Variants in ADAMTS10 observed in about 807,000 individuals in gnomAD.
The protein encoded by ADAMTS10 is ADAM metallopeptidase with thrombospondin type 1 motif 10, also known as A disintegrin and metalloproteinase with thrombospondin motifs 10.
ADAMTS10 carries 48 observed loss-of-function variants against 135.9 expected under a neutral mutation model. The observed-to-expected ratio is 0.35, with a 90% confidence interval of 0.28 to 0.45. The LOEUF is 0.45. Ranked by LOEUF, ADAMTS10 falls within the 20% of genes least tolerant of loss-of-function variation. ADAMTS10 has a pLI of 1.00. For missense variants in ADAMTS10, 1,131 were observed against 1,565.2 expected, an observed-to-expected ratio of 0.72 and a Z score of 4.68; for synonymous variants, 621 against 647.5, an observed-to-expected ratio of 0.96 and a Z score of 0.62.
rs782194371 is a variant in ADAMTS10 at position 8,597,055 on chromosome 19, G to T, written c.972C>A (p.His324Gln). 2 of 1,614,220 alleles carry T rather than the reference G, an allele frequency of 1.2e-6. No homozygotes were observed. The highest frequency in any genetic ancestry group is 4.5e-5 in the East Asian group (2 of 44,876). ...CTGGAATGGCATTGCCATGGCCGCT[G>T]TGGTTCACGATGGATTTCTGCCACT... ...FCKWQKSIVN[H>Q]SGHGNAIPEN... is the part of the protein sequence containing the mutation. The change falls in exon 8 of 26, where the codon CAC (histidine) becomes CAA (glutamine). Residue 324 changes from histidine to glutamine, a missense_variant. By Grantham distance (24) the His-to-Gln change is conservative. Around this residue, in one of 3 missense-constraint regions of ADAMTS10, gnomAD observed 80 missense variants for 164.4 expected, o/e 0.49. Transcript: ENST00000597188.
chr19:8,595,589 T>G lies in ADAMTS10; in HGVS notation c.1479+173A>C. Reference sequence around the variant, plus strand: ...GCACTGTCTGATTGCTTAGGACATTTTGCACACTCCATGCACCTCTGTCCT... The same window carrying G: ...GCACTGTCTGATTGCTTAGGACATTGTGCACACTCCATGCACCTCTGTCCT... On this transcript the variant is annotated intron_variant, in intron 12 of 25. Coordinates refer to ENST00000597188, the MANE Select transcript of ADAMTS10 (RefSeq NM_030957.4). 3 of 995,044 alleles carry G rather than the reference T, an allele frequency of 3.0e-6. No individual in the cohort carries two copies. The South Asian group carries it at 4.3e-5, about 14-fold the overall frequency. The allele number at this position is 995,044 out of a possible 1,614,324, so 61.6% of individuals were successfully genotyped here. A position where few individuals can be genotyped will look rare whatever the true frequency, so the allele number is the denominator to read the frequency against.
chr19:8,585,597 C>T lies in ADAMTS10; in HGVS notation c.2724G>A (p.Ser908=), dbSNP rs373459011. The change falls in exon 23 of 26, where the codon TCG becomes TCA. Residue 908 remains serine, a synonymous_variant. Coordinates refer to ENST00000597188, the MANE Select transcript of ADAMTS10 (RefSeq NM_030957.4). ...CAGAGACGCGGCGCTGGCACACGAC[C>T]GAGCGGCTGCGCACGCCTGCATCGC... The part of the protein sequence containing the change: ...RSCDAGVRSR[S]VVCQRRVSAA... 6.2e-7 allele frequency: 1 copy of T among 1,610,418 alleles called. No homozygotes were observed. Among genetic ancestry groups the T allele is most frequent in the Middle Eastern group, 1.7e-4 (1 of 6,022 alleles).
rs2042427616 is a variant in ADAMTS10, at chr19:8,586,263, G to T, written c.2531-12C>A. The T allele has an allele frequency of 6.2e-7, 1 of 1,613,104 alleles. No homozygotes were observed. Among genetic ancestry groups the T allele is most frequent in the Non-Finnish European group, 8.5e-7 (1 of 1,179,836 alleles). On this transcript the variant is annotated splice_polypyrimidine_tract_variant and intron_variant, in intron 21 of 25. Transcript: ENST00000597188. Reference sequence around the variant, plus strand: ...CTGCACCTGGCTACCTGGAGGGGAGGGTGAGAGGCCTGCTCAGCCCCTCCC... The same window carrying T: ...CTGCACCTGGCTACCTGGAGGGGAGTGTGAGAGGCCTGCTCAGCCCCTCCC...
intron 25 of ADAMTS10, among the ~76,000 whole-genome samples, chr19:8,584,206 A>G (rs1327008693): frequency 1.3e-5 from 2 of 151,446 alleles, no homozygotes; most frequent in African/African-American, 4.8e-5. Flanking sequence ...AAAATTACCT[A>G]GGCAGAAAAA....
chr19:8,603,683 A>G (rs782298626), intron 5 of ADAMTS10, 45 bp downstream of exon 5: 2 of 1,612,612 alleles, frequency 1.2e-6, no homozygotes, highest in South Asian at 1.1e-5. Context: ...CTCAAGGGAA[A>G]GATACTGTGT....
In ADAMTS10 at chr19:8,585,659, A is replaced by G. The variant is rs1555736883; in HGVS notation, c.2662T>C (p.Trp888Arg). 6.2e-7 allele frequency: 1 copy of G among 1,612,246 alleles called. No homozygotes were observed. The highest frequency in any genetic ancestry group is 1.1e-5 in the South Asian group (1 of 91,012). ...ACNTEPCPPD[W>R]VVGNWSLCSR... ...CAGAGCGACCAGTTCCCTACAACCC[A>G]GCTGTAAGAGATGAAGGGGTCTGAG... Residue 888 changes from tryptophan to arginine, a missense_variant and splice_region_variant, in exon 23 of 26, where the codon TGG (tryptophan) becomes CGG (arginine). Around this residue, in one of 3 missense-constraint regions of ADAMTS10, gnomAD observed 745 missense variants for 1,056.3 expected, o/e 0.71. Coordinates refer to ENST00000597188, the MANE Select transcript of ADAMTS10 (RefSeq NM_030957.4).
At position 8,603,759 on chromosome 19, in the gene ADAMTS10, G is replaced by T; in HGVS notation, c.561C>A (p.His187Gln). The change falls in exon 5 of 26, where the codon CAC (histidine) becomes CAA (glutamine). Residue 187 changes from histidine (H) to glutamine (Q), a missense_variant. His to Gln is a conservative substitution (Grantham distance 24). Transcript: ENST00000597188. Reference sequence around the variant, plus strand: ...CTCCACAGGCTGTGTCCAGGTGGGGGTGACGCAGAGAGGAACGCTTGTACA... The same window carrying T: ...CTCCACAGGCTGTGTCCAGGTGGGGTTGACGCAGAGAGGAACGCTTGTACA... ...HVVYKRSSLR[H>Q]PHLDTACGVR... 2 of 1,614,186 alleles carry T rather than the reference G, an allele frequency of 1.2e-6. No individual in the cohort carries two copies. Among genetic ancestry groups the T allele is most frequent in the Non-Finnish European group, 1.7e-6 (2 of 1,180,032 alleles).
At position 8,585,546 on chromosome 19, in the gene ADAMTS10, G is replaced by A; in HGVS notation, c.2775C>T (p.Asp925=). ...VSAAEEKALD[D]SACPQPRPPV... is the part of the protein sequence containing the mutation. ...GTGGGCGCGGCTGCGGGCATGCGCT[G>A]TCGTCCAGCGCCTTCTCCTCCGCGG... The change falls in exon 23 of 26, where the codon GAC becomes GAT. Residue 925 remains aspartate, a synonymous_variant. Coordinates refer to ENST00000597188, the MANE Select transcript of ADAMTS10 (RefSeq NM_030957.4). The A allele has an allele frequency of 6.3e-7, 1 of 1,585,956 alleles. No individual in the cohort carries two copies.
rs35269308 is a variant in ADAMTS10, at chr19:8,609,234, C to CTGTGTG, written c.-214-992_-214-987dup. Among the ~76,000 whole-genome samples, 1,014 of 139,904 alleles carry CTGTGTG rather than the reference C, an allele frequency of 7.2e-3. 6 individuals are homozygous for CTGTGTG. The highest frequency in any genetic ancestry group is 0.018 in the South Asian group (67 of 3,692). The allele number at this position is 139,904 out of a possible 152,430, so 91.8% of individuals were successfully genotyped here. On this transcript the variant is annotated intron_variant, in intron 1 of 25. Transcript: ENST00000597188. The stretch of plus-strand genomic sequence containing the variant: ...TTATGGCTTGTGAGTGTGTGTGACC[C>CTGTGTG]TGTGTGTGTGTGTGTGTGTGTGTGT...
Position 8,586,886 on chromosome 19 carries a change from A to T in ADAMTS10, c.2169T>A (p.Asp723Glu), listed in dbSNP as rs781966747. The change falls in exon 19 of 26, where the codon GAT becomes GAA. Residue 723 changes from aspartate to glutamate, a missense_variant. Physicochemically the swap from Asp to Glu is conservative, Grantham distance 45. Transcript: ENST00000597188. ...CGGAGCCTTTGGGAATCCAGACGAC[A>T]TCCTCGTACCCTGAACAGCAGAGCT... ...SPASPGAGYE[D>E]VVWIPKGSVH... 8.1e-6 allele frequency: 13 copies of T among 1,614,052 alleles called. No individual in the cohort carries two copies. The Admixed American group carries it at 2.2e-4, about 27-fold the overall frequency.
chr19:8,598,918 G>C (rs1002229132), intron 6 of ADAMTS10, among the ~76,000 whole-genome samples: 1 of 151,708 alleles, frequency 6.6e-6, no homozygotes, highest in Admixed American at 6.6e-5. Context: ...AGAGAGGCCA[G>C]GCTCAGGCAC....
chr19:8,580,621 T>G lies in ADAMTS10; in HGVS notation c.*272A>C. 1 of 448,534 alleles carries G rather than the reference T, an allele frequency of 2.2e-6. No individual in the cohort carries two copies. Among genetic ancestry groups the G allele is most frequent in the Non-Finnish European group, 4.1e-6 (1 of 241,088 alleles). The allele number at this position is 448,534 out of a possible 1,614,324, so 27.8% of individuals were successfully genotyped here. ...AGGGTGGGTTCAAAGGGTGCTGGGG[T>G]GAACAGCTGTCCCCTCCCCAGACCC... On this transcript the variant is annotated 3_prime_UTR_variant, in exon 26 of 26. Transcript: ENST00000597188.
chr19:8,605,245 T>G lies in ADAMTS10; in HGVS notation c.202A>C (p.Thr68Pro). The G allele has an allele frequency of 6.2e-7, 1 of 1,613,188 alleles. No individual in the cohort carries two copies. Among genetic ancestry groups the G allele is most frequent in the Non-Finnish European group, 8.5e-7 (1 of 1,179,618 alleles). ...AGGCGGGACTCGGCTGTGGCCCCCG[T>G]GCCGCGGCGCTGCCTCCGGGGAGGA... ...PPPPRRQRRG[T>P]GATAESRLFY... Residue 68 changes from threonine (T) to proline (P), a missense_variant, in exon 4 of 26, where the codon ACG becomes CCG. Physicochemically the swap from Thr to Pro is conservative, Grantham distance 38 (BLOSUM62 -1). Coordinates refer to ENST00000597188, the MANE Select transcript of ADAMTS10 (RefSeq NM_030957.4). This position sits in a 1 kb window ranked among gnomAD's most constrained non-coding sequence, Gnocchi z 7.7.
In ADAMTS10 at chr19:8,580,687, G is replaced by A. The variant is rs976947717; in HGVS notation, c.*206C>T. 1 of 567,382 alleles carries A rather than the reference G, an allele frequency of 1.8e-6. No individual in the cohort carries two copies. The allele number at this position is 567,382 out of a possible 1,614,324, so 35.1% of individuals were successfully genotyped here. Reference sequence around the variant, plus strand: ...TCTCACTATGTGAACTGGAAGGGGCGGATGCTGAAGAGGGGCTCTGGGGGG... The same window carrying A: ...TCTCACTATGTGAACTGGAAGGGGCAGATGCTGAAGAGGGGCTCTGGGGGG... On this transcript the variant is annotated 3_prime_UTR_variant, in exon 26 of 26. Coordinates refer to ENST00000597188, the MANE Select transcript of ADAMTS10 (RefSeq NM_030957.4).
Position 8,589,933 on chromosome 19 carries a change from A to G in ADAMTS10, c.1856T>C (p.Ile619Thr). Reference sequence around the variant, plus strand: ...CTTGTAGAATTTCCCACGGAAAGGGATGCTGTCAAATTCAGAACACTGCAC... The same window carrying G: ...CTTGTAGAATTTCCCACGGAAAGGGGTGCTGTCAAATTCAGAACACTGCAC... ...REVQCSEFDS[I>T]PFRGKFYKWK... Residue 619 changes from isoleucine to threonine, a missense_variant, in exon 16 of 26, where the codon ATC becomes ACC. Around this residue, in one of 3 missense-constraint regions of ADAMTS10, gnomAD observed 745 missense variants for 1,056.3 expected, o/e 0.71. Transcript: ENST00000597188. 6.2e-7 allele frequency: 1 copy of G among 1,614,116 alleles called. No homozygotes were observed. The highest frequency in any genetic ancestry group is 1.3e-5 in the African/African-American group (1 of 75,034).
rs2042330282 is a variant in ADAMTS10, at chr19:8,580,587, G to A, written c.*306C>T. 2.7e-6 allele frequency: 1 copy of A among 366,414 alleles called. No individual in the cohort carries two copies. The highest frequency in any genetic ancestry group is 4.0e-5 in the Admixed American group (1 of 24,864). The allele number at this position is 366,414 out of a possible 1,614,324, so 22.7% of individuals were successfully genotyped here. On this transcript the variant is annotated 3_prime_UTR_variant, in exon 26 of 26. Transcript: ENST00000597188. ...ATCAAAGGAGGGGGGGAGTGTTGGG[G>A]ACTCCCTAAGGGTGGGTTCAAAGGG...
chr19:8,586,094 A>G (rs1478612763), intron 22 of ADAMTS10, 28 bp downstream of exon 22: 4 of 1,612,078 alleles, frequency 2.5e-6, no homozygotes, highest in Admixed American at 1.7e-5. Context: ...TCTCACCCTG[A>G]GCAACACTGC....
chr19:8,603,400 G>A (rs151168363), intron 5 of ADAMTS10, among the ~76,000 whole-genome samples: 1,598 of 152,040 alleles, frequency 0.011, 16 homozygotes, highest in Middle Eastern at 0.037. Flanking sequence ...TCAGCCTCCC[G>A]AGTAGCTGGG....
At position 8,607,191 on chromosome 19, in the gene ADAMTS10, A is replaced by G. The variant is rs7253116; in HGVS notation, c.-100+943T>C. Reference sequence around the variant, plus strand: ...CTGTCCTGGGCCCTGTCTTTGGATTATCTGAAATGGGTAGCACCATTCAAG... The same window carrying G: ...CTGTCCTGGGCCCTGTCTTTGGATTGTCTGAAATGGGTAGCACCATTCAAG... On this transcript the variant is annotated intron_variant, in intron 2 of 25. Transcript: ENST00000597188. Among the ~76,000 whole-genome samples the G allele has an allele frequency of 1.3e-3, 197 of 151,992 alleles. 1 individual carries two copies. Among genetic ancestry groups the G allele is most frequent in the African/African-American group, 4.6e-3 (189 of 41,440 alleles).
Sources: allele counts gnomAD v4.1 joint callset (sites outside exome capture counted in the v4.1 genomes callset), GRCh38; gene constraint gnomAD v4.1.1; regional missense constraint gnomAD v4.1.1; non-coding constraint Gnocchi (gnomAD v3.1); transcripts MANE v1.5; gene names NCBI Gene and HGNC (gene_info 2026-07-23, HGNC 2026-07-21).